The following KLHL29 variants were observed in gnomAD, a reference collection of about 807,000 sequenced individuals.
KLHL29 encodes the protein kelch like family member 29, also known as kelch-like protein 29.
KLHL29 carries 21 observed loss-of-function variants against 80.4 expected under a neutral mutation model. The observed-to-expected ratio is 0.26, with a 90% CI of 0.19 to 0.38. The LOEUF (loss-of-function observed/expected upper bound fraction) is 0.38, where lower values mean the gene tolerates loss of function less well. Ranked by LOEUF, KLHL29 falls within the 10% of genes least tolerant of loss-of-function variation. The probability of loss-of-function intolerance (pLI) is 1.00; values close to 1 mark genes in which losing one functional copy is unlikely to be tolerated. For missense variants in KLHL29, 867 were observed against 1,223.9 expected (o/e 0.71, Z 4.35); for synonymous variants, 511 against 526.8 (o/e 0.97, Z 0.41).
intron 5 of KLHL29, among the ~76,000 whole-genome samples, chr2:23,664,623 C>T (rs1670504735): frequency 6.6e-6 from 1 of 152,196 alleles, no homozygotes; most frequent in Non-Finnish European, 1.5e-5. Context: ...TTGATGAGTC[C>T]AGTTGACCAT....
rs371026611 is a variant in KLHL29 at position 23,703,701 on chromosome 2, G to A, written c.2300-18G>A. 11 of 1,530,652 alleles carry A rather than the reference G, an allele frequency of 7.2e-6. No individual in the cohort carries two copies. In the African/African-American group the frequency reaches 1.1e-4, roughly 15 times the overall value. 94.8% of individuals were successfully genotyped at this position (1,530,652 alleles called of 1,614,324 possible). A position where few individuals can be genotyped will look rare whatever the true frequency, so the allele number is the denominator to read the frequency against. ...CAAGACAAGCTGCCGTGACCTGCCTGCTCTGCTCTCCTCACAGACAACAAG... is the reference window on the plus strand; with the variant it reads ...CAAGACAAGCTGCCGTGACCTGCCTACTCTGCTCTCCTCACAGACAACAAG... On this transcript the variant is annotated intron_variant, in intron 12 of 13. Coordinates refer to ENST00000486442, the MANE Select transcript of KLHL29 (RefSeq NM_052920.2).
At chr2:23,575,828 C>T (rs1012125402) in intron 3 of KLHL29, among the ~76,000 whole-genome samples, 1 of 152,104 alleles carries the variant, frequency 6.6e-6, no homozygotes, top group Non-Finnish European at 1.5e-5. Context: ...CAGAACCTGC[C>T]CACTCCACCC....
At chr2:23,474,654 A>G (rs1664581452) in intron 1 of KLHL29, among the ~76,000 whole-genome samples, 1 of 152,094 alleles carries the variant, frequency 6.6e-6, no homozygotes. Context: ...TTAGGTTGAG[A>G]GGATCTGAGA....
chr2:23,427,275 T>C (rs1437103008), intron 1 of KLHL29, among the ~76,000 whole-genome samples: 1 of 152,088 alleles, frequency 6.6e-6, no homozygotes, highest in Admixed American at 6.5e-5. Context: ...AAAATGGAGG[T>C]GAACTTAACA....
intron 2 of KLHL29, among the ~76,000 whole-genome samples, chr2:23,545,267 G>A (rs749422318): frequency 6.6e-6 from 1 of 152,222 alleles, no homozygotes; most frequent in Non-Finnish European, 1.5e-5. Context: ...TGGCTTCAGA[G>A]TCGGGCACAA....
At chr2:23,491,218 C>T (rs543895916) in intron 2 of KLHL29, among the ~76,000 whole-genome samples, 1 of 152,212 alleles carries the variant, frequency 6.6e-6, no homozygotes, top group East Asian at 1.9e-4. Context: ...GCTCACTGCC[C>T]CTCATAGGAT....
chr2:23,673,357 CACAT>C (rs1211726791), intron 5 of KLHL29, among the ~76,000 whole-genome samples: 7 of 151,502 alleles, frequency 4.6e-5, no homozygotes, highest in African/African-American at 1.5e-4. Context: ...TACACACAGA[CACAT>C]ACACAGGGTG....
At position 23,562,508 on chromosome 2, in the gene KLHL29, G is replaced by A. The variant is rs1049944436; in HGVS notation, c.285+27G>A. Reference sequence around the variant, plus strand: ...TAAGATGTGGTGTCATCTCTGAGCAGGAGCCGGACAGAGGGGCCCTGCCTC... The same window carrying A: ...TAAGATGTGGTGTCATCTCTGAGCAAGAGCCGGACAGAGGGGCCCTGCCTC... On this transcript the variant is annotated intron_variant, in intron 3 of 13. Transcript: ENST00000486442. The surrounding 1 kb of genome is among the most constrained non-coding windows in gnomAD (Gnocchi z 4.5). The A allele has an allele frequency of 1.8e-5, 27 of 1,533,016 alleles. No homozygotes were observed. The highest frequency in any genetic ancestry group is 2.7e-5 in the African/African-American group (2 of 72,964). The allele number at this position is 1,533,016 out of a possible 1,614,324, so 95.0% of individuals were successfully genotyped here. A position where few individuals can be genotyped will look rare whatever the true frequency, so the allele number is the denominator to read the frequency against.
At chr2:23,656,895 C>T (rs1670261214) in intron 5 of KLHL29, among the ~76,000 whole-genome samples, 1 of 144,826 alleles carries the variant, frequency 6.9e-6, no homozygotes, top group South Asian at 2.2e-4. Context: ...CGGTTTGGAA[C>T]AGTCCTGTTT....
At chr2:23,550,039 TG>T in intron 2 of KLHL29, among the ~76,000 whole-genome samples, 1 of 152,280 alleles carries the variant, frequency 6.6e-6, no homozygotes, top group East Asian at 1.9e-4. Context: ...CAGCCCAGCG[TG>T]GTCCCTCCCC....
chr2:23,553,508 C>A (rs1244252491), intron 2 of KLHL29, among the ~76,000 whole-genome samples: 1 of 152,186 alleles, frequency 6.6e-6, no homozygotes, highest in Non-Finnish European at 1.5e-5. Flanking sequence ...CTACACGTGG[C>A]CCCTGCAAAC....
intron 5 of KLHL29, among the ~76,000 whole-genome samples, chr2:23,658,687 G>GTC: frequency 6.6e-6 from 1 of 152,314 alleles, no homozygotes; most frequent in East Asian, 1.9e-4. Context: ...TTGAGTTTGT[G>GTC]TCCGCCCACC....
rs144877324 is a variant in KLHL29, at chr2:23,684,448, C to T, written c.990C>T (p.Asp330=). 5 of 1,550,788 alleles carry T rather than the reference C, an allele frequency of 3.2e-6. No individual in the cohort carries two copies. The East Asian group carries it at 7.3e-5, about 23-fold the overall frequency. Residue 330 remains aspartate, a synonymous_variant, in exon 6 of 14, where the codon GAC becomes GAT. Coordinates refer to ENST00000486442, the MANE Select transcript of KLHL29 (RefSeq NM_052920.2). The surrounding 1 kb of genome is among the most constrained non-coding windows in gnomAD (Gnocchi z 4.4). ...NQQRRAKAFT[D]LKIVVEGREF... is the part of the protein sequence containing the mutation. ...AACGCAGAGCGAAAGCGTTTACAGACCTGAAAATTGTTGTTGAAGGCAGAG... is the reference window on the plus strand; with the variant it reads ...AACGCAGAGCGAAAGCGTTTACAGATCTGAAAATTGTTGTTGAAGGCAGAG...
intron 1 of KLHL29, among the ~76,000 whole-genome samples, chr2:23,431,735 T>C (rs1424499043): frequency 6.6e-6 from 1 of 151,226 alleles, no homozygotes; most frequent in Non-Finnish European, 1.5e-5. Flanking sequence ...CTACTAAAAG[T>C]ACAAAAAAAT....
intron 5 of KLHL29, among the ~76,000 whole-genome samples, chr2:23,675,392 C>T (rs545723803): frequency 7.3e-4 from 111 of 152,314 alleles, no homozygotes; most frequent in African/African-American, 2.6e-3. Flanking sequence ...GGATGGGGTC[C>T]TGACACTCTG....
At chr2:23,616,103 T>C (rs967217365) in intron 3 of KLHL29, among the ~76,000 whole-genome samples, 1 of 152,166 alleles carries the variant, frequency 6.6e-6, no homozygotes, top group Non-Finnish European at 1.5e-5. Context: ...CTCTCTGCTA[T>C]TGGCCACTGA....
intron 1 of KLHL29, among the ~76,000 whole-genome samples, chr2:23,467,659 C>G (rs1009344328): frequency 1.3e-5 from 2 of 152,132 alleles, no homozygotes; most frequent in Admixed American, 1.3e-4. Context: ...TAGGCTTGGG[C>G]TCAAAGGAAA....
At chr2:23,637,169 CT>C (rs1669634845) in intron 3 of KLHL29, among the ~76,000 whole-genome samples, 1 of 152,200 alleles carries the variant, frequency 6.6e-6, no homozygotes, top group Non-Finnish European at 1.5e-5. Flanking sequence ...CAGTGTGGGA[CT>C]TGGCACAGGC....
intron 1 of KLHL29, among the ~76,000 whole-genome samples, chr2:23,389,702 G>A (rs146421666): frequency 3.9e-5 from 6 of 152,004 alleles, no homozygotes; most frequent in African/African-American, 1.2e-4. Flanking sequence ...AAAAAAAAGG[G>A]GGGGGCGGAA....
Sources: gnomAD v4.1 joint callset for allele counts (sites outside exome capture counted in the v4.1 genomes callset) on GRCh38, gnomAD v4.1.1 for gene constraint, Gnocchi (gnomAD v3.1) non-coding constraint, MANE v1.5 for transcripts, NCBI Gene and HGNC (gene_info 2026-07-23, HGNC 2026-07-21) for gene names.